Variants in CNTN5 observed in about 807,000 individuals in gnomAD.
The protein encoded by CNTN5 is contactin-5.
CNTN5 carries 77 observed loss-of-function variants against 129.1 expected under a neutral mutation model. The observed-to-expected ratio is 0.60, with a 90% CI of 0.50 to 0.72. The LOEUF (loss-of-function observed/expected upper bound fraction) is 0.72. Among genes scored for constraint, CNTN5 ranks in the 30% least tolerant of loss-of-function variants. The pLI, the probability that CNTN5 is intolerant of heterozygous loss-of-function variation, is 0.00. For missense variants in CNTN5, 1,478 were observed against 1,328.8 expected (o/e 1.11, Z -1.75); for synonymous variants, 509 against 465.6 (o/e 1.09, Z -1.20).
At chr11:99,036,625 T>A (rs945248537) in intron 1 of CNTN5, among the ~76,000 whole-genome samples, 1 of 152,130 alleles carries the variant, frequency 6.6e-6, no homozygotes, top group Non-Finnish European at 1.5e-5. Context: ...GAAGGTACAC[T>A]TAAAATTTTG....
intron 8 of CNTN5, among the ~76,000 whole-genome samples, chr11:100,000,165 A>AAAAT (rs575342411): frequency 2.0e-4 from 31 of 151,982 alleles, no homozygotes; most frequent in African/African-American, 4.3e-4. Context: ...AATAATAATA[A>AAAAT]AAATAAATAA....
chr11:99,820,887 T>G (rs190697585), intron 4 of CNTN5, among the ~76,000 whole-genome samples: 35 of 152,350 alleles, frequency 2.3e-4, no homozygotes, highest in African/African-American at 7.9e-4. Context: ...GGAAAGATTC[T>G]GGGAATGTCA....
chr11:99,051,244 A>G (rs889727211), intron 1 of CNTN5, among the ~76,000 whole-genome samples: 1 of 151,954 alleles, frequency 6.6e-6, no homozygotes, highest in Admixed American at 6.6e-5. Context: ...ATTTCAAGAA[A>G]GGCATTTCTA....
At chr11:99,569,302 ATTATTTAT>A (rs148620617) in intron 3 of CNTN5, among the ~76,000 whole-genome samples, 2 of 150,238 alleles carry the variant, frequency 1.3e-5, no homozygotes, top group African/African-American at 4.9e-5. Context: ...TTTTATTTTT[ATTATTTAT>A]TTATTTATTT....
chr11:99,690,002 C>T (rs1003132545), intron 3 of CNTN5, among the ~76,000 whole-genome samples: 11 of 152,114 alleles, frequency 7.2e-5, no homozygotes, highest in Admixed American at 5.9e-4. Context: ...GAAATCTTTG[C>T]CCATGCCTAT....
intron 8 of CNTN5, among the ~76,000 whole-genome samples, chr11:99,977,953 A>C (rs916519174): frequency 3.3e-5 from 5 of 152,204 alleles, no homozygotes; most frequent in African/African-American, 9.7e-5. Context: ...ATTTCACTTT[A>C]CTGTATTTTG....
At chr11:100,201,926 T>A (rs1948788087) in intron 15 of CNTN5, among the ~76,000 whole-genome samples, 1 of 152,008 alleles carries the variant, frequency 6.6e-6, no homozygotes, top group Non-Finnish European at 1.5e-5. Flanking sequence ...TGCATAGAGA[T>A]GATTAGTGTA....
Position 99,218,610 on chromosome 11 carries a change from C to CCAATTGCCT in CNTN5, c.-209-106735_-209-106727dup, listed in dbSNP as rs558857675. Among the ~76,000 whole-genome samples, 241 of 152,174 alleles carry CCAATTGCCT rather than the reference C, an allele frequency of 1.6e-3. 4 individuals carry two copies. In the South Asian group the frequency reaches 0.047, roughly 29 times the overall value. ...CAGTTTTATGCAATCAGGGGTATAT[C>CCAATTGCCT]CAATTGCCTACTCACCATTATGTAT... On this transcript the variant is annotated intron_variant, in intron 1 of 24. Coordinates refer to ENST00000524871, the MANE Select transcript of CNTN5 (RefSeq NM_014361.4).
intron 13 of CNTN5, among the ~76,000 whole-genome samples, chr11:100,105,128 G>A (rs185812320): frequency 4.3e-4 from 66 of 152,312 alleles, no homozygotes; most frequent in African/African-American, 1.6e-3. Context: ...AATGTTCGAG[G>A]CTTAACTTAT....
chr11:99,177,069 G>A (rs933521051), intron 1 of CNTN5, among the ~76,000 whole-genome samples: 3 of 151,994 alleles, frequency 2.0e-5, no homozygotes, highest in African/African-American at 7.3e-5. Flanking sequence ...CCCACCTTAG[G>A]GCATTTGCAA....
rs1288723735 is a variant in CNTN5, at chr11:100,348,288, C to A, written c.3031-2414C>A. 2.0e-5 allele frequency among the ~76,000 whole-genome samples: 3 copies of A among 152,024 alleles called. No individual in the cohort carries two copies. In the East Asian group the frequency reaches 5.8e-4, roughly 29 times the overall value. On this transcript the variant is annotated intron_variant, in intron 23 of 24. Transcript: ENST00000524871. ...AAATCAGGATTTTAAAATGAGCCAA[C>A]ATTCTCTAAAGCACTGAAGATTAAC...
chr11:99,107,341 AT>A (rs1867044038), intron 1 of CNTN5, among the ~76,000 whole-genome samples: 1 of 152,186 alleles, frequency 6.6e-6, no homozygotes, highest in African/African-American at 2.4e-5. Flanking sequence ...GATTAAAATC[AT>A]TTGTTGGTTT....
chr11:99,049,493 G>A (rs1864340913), intron 1 of CNTN5: 1 of 152,102 alleles, frequency 6.6e-6, no homozygotes, highest in South Asian at 2.1e-4. Flanking sequence ...AGGATGGGAA[G>A]CTACATGAAA....
intron 3 of CNTN5, among the ~76,000 whole-genome samples, chr11:99,739,666 C>A (rs1398581783): frequency 6.6e-6 from 1 of 152,024 alleles, no homozygotes; most frequent in Non-Finnish European, 1.5e-5. Context: ...TACAACAGTG[C>A]CCCCTGATGG....
At chr11:99,079,489 T>C (rs540217684) in intron 1 of CNTN5, among the ~76,000 whole-genome samples, 257 of 152,264 alleles carry the variant, frequency 1.7e-3, no homozygotes, top group Non-Finnish European at 2.6e-3. Context: ...TTCAAGTGAA[T>C]CTATGGGGCC....
chr11:100,299,462 C>A (rs1209010672), intron 20 of CNTN5, 66 bp downstream of exon 20: 5 of 938,204 alleles, frequency 5.3e-6, no homozygotes, highest in South Asian at 2.1e-5. Flanking sequence ...AATCAGACAC[C>A]TTTGTACACA....
chr11:100,002,064 A>T lies in CNTN5; in HGVS notation c.908A>T (p.Glu303Val). The T allele has an allele frequency of 6.3e-7, 1 of 1,598,792 alleles. No individual in the cohort carries two copies. The stretch of plus-strand genomic sequence containing the variant: ...ATGGGAGAATATGAGCCGAAAATTG[A>T]GGTCCATTTTCCTTTCACGGTTACA... The part of the protein sequence containing the change: ...GVMGEYEPKI[E>V]VHFPFTVTAA... The change falls in exon 9 of 25, where the codon GAG becomes GTG. Residue 303 changes from glutamate to valine, a missense_variant. Transcript: ENST00000524871.
intron 16 of CNTN5, among the ~76,000 whole-genome samples, chr11:100,228,971 G>A (rs1565356968): frequency 1.3e-5 from 2 of 152,154 alleles, no homozygotes; most frequent in Non-Finnish European, 2.9e-5. Context: ...TTTCAAGACA[G>A]TGACAGAAAG....
At chr11:100,237,066 C>G (rs1018675532) in intron 16 of CNTN5, among the ~76,000 whole-genome samples, 7 of 151,342 alleles carry the variant, frequency 4.6e-5, no homozygotes, top group Non-Finnish European at 8.8e-5. Flanking sequence ...GTGGGCGCCT[C>G]TAGTCCCAGC....
Sources: allele counts gnomAD v4.1 joint callset (sites outside exome capture counted in the v4.1 genomes callset), GRCh38; gene constraint gnomAD v4.1.1; transcripts MANE v1.5; gene names NCBI Gene and HGNC (gene_info 2026-07-23, HGNC 2026-07-21).